The following FAT3 variants were observed in gnomAD, a reference collection of about 807,000 sequenced individuals.
FAT3 encodes protocadherin Fat 3.
Under a neutral mutation model 310.2 loss-of-function variants are expected in FAT3, and 95 were observed. The observed-to-expected ratio is 0.31, with a 90% CI of 0.26 to 0.36. The LOEUF (loss-of-function observed/expected upper bound fraction) is 0.36. FAT3 is among the 10% of genes least tolerant of loss of function. The probability of loss-of-function intolerance (pLI) is 1.00; values close to 1 mark genes in which losing one functional copy is unlikely to be tolerated. For synonymous variants in FAT3, 2,314 were observed against 2,192.9 expected (o/e 1.06, Z -1.54); for missense variants, 5,408 against 5,715.6 (o/e 0.95, Z 1.74).
At chr11:92,563,414 G>C (rs562724463) in intron 3 of FAT3, among the ~76,000 whole-genome samples, 88 of 152,242 alleles carry the variant, frequency 5.8e-4, no homozygotes, top group Non-Finnish European at 1.1e-3. Flanking sequence ...TTTTGTGATT[G>C]ACTGAAACAT....
chr11:92,866,821 C>T lies in FAT3; in HGVS notation c.11739C>T (p.Asn3913=), dbSNP rs76965380. 3.5e-3 allele frequency: 5,599 copies of T among 1,613,888 alleles called. 41 individuals carry two copies. Among genetic ancestry groups the T allele is most frequent in the South Asian group, 6.5e-3 (592 of 91,064 alleles). ...GILGISGRAV[N]DGSWHSVFLE... Reference sequence around the variant, plus strand: ...TGGGCATCTCGGGCCGTGCTGTCAACGACGGGAGCTGGCACTCGGTCTTCC... The same window carrying T: ...TGGGCATCTCGGGCCGTGCTGTCAATGACGGGAGCTGGCACTCGGTCTTCC... The change falls in exon 22 of 28, where the codon AAC becomes AAT. Residue 3913 remains asparagine (N), a synonymous_variant. Coordinates refer to ENST00000525166, the MANE Select transcript of FAT3 (RefSeq NM_001367949.2).
chr11:92,406,458 T>A (rs538276168), intron 2 of FAT3: 1 of 152,326 alleles, frequency 6.6e-6, no homozygotes, highest in Non-Finnish European at 1.5e-5. Flanking sequence ...TTTTAGCACA[T>A]AAAGAGTCCT....
intron 1 of FAT3, among the ~76,000 whole-genome samples, chr11:92,349,666 GC>G (rs1367221919): frequency 3.3e-5 from 5 of 152,194 alleles, no homozygotes; most frequent in African/African-American, 1.2e-4. Flanking sequence ...CTTGGTCCCT[GC>G]CCTAGTTACC....
At chr11:92,376,702 C>CT (rs1949356378) in intron 2 of FAT3, among the ~76,000 whole-genome samples, 1 of 151,820 alleles carries the variant, frequency 6.6e-6, no homozygotes, top group African/African-American at 2.4e-5. Context: ...TCCCAGAATC[C>CT]CTCACTTTGG....
Position 92,799,238 on chromosome 11 carries a change from A to G in FAT3, c.6225A>G (p.Glu2075=). The G allele has an allele frequency of 6.2e-7, 1 of 1,613,950 alleles. No individual in the cohort carries two copies. The highest frequency in any genetic ancestry group is 8.5e-7 in the Non-Finnish European group (1 of 1,179,874). ...GAGTGGTGGTCAGGGTTAACATTGA[A>G]GACATAAATGACAATTCTCCAGTCT... ...VARVVVRVNI[E]DINDNSPVFV... The change falls in exon 10 of 28, where the codon GAA becomes GAG. Residue 2075 remains glutamate (E), a synonymous_variant. Transcript: ENST00000525166.
intron 2 of FAT3, among the ~76,000 whole-genome samples, chr11:92,402,444 C>G (rs1034392553): frequency 1.3e-5 from 2 of 151,920 alleles, no homozygotes; most frequent in Admixed American, 6.6e-5. Flanking sequence ...CTCAAGAATT[C>G]TCGGTCTGGG....
intron 13 of FAT3, among the ~76,000 whole-genome samples, chr11:92,826,318 C>G (rs1264747942): frequency 3.9e-5 from 6 of 152,212 alleles, no homozygotes; most frequent in Non-Finnish European, 5.9e-5. Context: ...GAGTTAATCA[C>G]CAAGCCTGGG....
At chr11:92,632,781 G>T (rs1283045582) in intron 3 of FAT3, among the ~76,000 whole-genome samples, 4 of 152,148 alleles carry the variant, frequency 2.6e-5, no homozygotes, top group African/African-American at 9.7e-5. Flanking sequence ...TAGTAAATTT[G>T]CTTGTCCAGA....
chr11:92,886,449 A>T (rs957130270), intron 24 of FAT3, among the ~76,000 whole-genome samples: 4 of 152,120 alleles, frequency 2.6e-5, no homozygotes, highest in Non-Finnish European at 5.9e-5. Flanking sequence ...CAGCCCTCCT[A>T]CCTGACACAG....
At chr11:92,306,809 T>C (rs1294294677) in intron 1 of FAT3, among the ~76,000 whole-genome samples, 1 of 140,902 alleles carries the variant, frequency 7.1e-6, no homozygotes, top group African/African-American at 2.6e-5. Flanking sequence ...AAATTTGAGA[T>C]GAGTCTTGCT....
chr11:92,423,150 C>G (rs938376026), intron 2 of FAT3, among the ~76,000 whole-genome samples: 9 of 152,174 alleles, frequency 5.9e-5, no homozygotes, highest in African/African-American at 2.2e-4. Context: ...CTCTTCCTCT[C>G]TTCCTGTCTT....
chr11:92,888,905 G>A (rs1949853185), intron 25 of FAT3, among the ~76,000 whole-genome samples: 1 of 152,186 alleles, frequency 6.6e-6, no homozygotes, highest in Non-Finnish European at 1.5e-5. Context: ...GCTGAGTCAT[G>A]AGGGGTGACT....
intron 3 of FAT3, among the ~76,000 whole-genome samples, chr11:92,545,082 C>T (rs1315099352): frequency 6.6e-6 from 1 of 152,102 alleles, no homozygotes; most frequent in Non-Finnish European, 1.5e-5. Flanking sequence ...CCTCTTTGCC[C>T]TCCTCATGTC....
chr11:92,879,271 A>G (rs1949616898), intron 22 of FAT3, among the ~76,000 whole-genome samples: 1 of 152,198 alleles, frequency 6.6e-6, no homozygotes, highest in South Asian at 2.1e-4. Context: ...TAGTGAAATG[A>G]GAGAGTAAAC....
At chr11:92,775,179 G>A (rs1260921800) in intron 7 of FAT3, among the ~76,000 whole-genome samples, 1 of 152,154 alleles carries the variant, frequency 6.6e-6, no homozygotes, top group East Asian at 1.9e-4. Flanking sequence ...TGAACACAGT[G>A]CTTCAGGTGG....
intron 4 of FAT3, among the ~76,000 whole-genome samples, chr11:92,705,551 G>A (rs1284419721): frequency 6.9e-6 from 1 of 145,220 alleles, no homozygotes; most frequent in Non-Finnish European, 1.5e-5. Context: ...GTGTGATGGT[G>A]GTGGTGTGAT....
intron 22 of FAT3, among the ~76,000 whole-genome samples, chr11:92,879,945 A>G (rs967137365): frequency 6.6e-6 from 1 of 152,166 alleles, no homozygotes; most frequent in African/African-American, 2.4e-5. Flanking sequence ...ATTTAAAAAA[A>G]CAAATCTTAC....
chr11:92,809,961 G>C lies in FAT3; in HGVS notation c.9366G>C (p.Glu3122Asp), dbSNP rs753065708. The change falls in exon 13 of 28, where the codon GAG (glutamate) becomes GAC (aspartate). Residue 3122 changes from glutamate to aspartate, a missense_variant. Around this residue, in one of 5 missense-constraint regions of FAT3, gnomAD observed 4,588 missense variants for 4,809.8 expected, o/e 0.95. Transcript: ENST00000525166. ...AGTCCAACATCCACCTAATCCTGGA[G>C]GATGTGAATGATAACCCCCCTGTGT... is the stretch of plus-strand genomic sequence containing the variant. ...FCQSNIHLILEDVNDNPPVFS... is the reference protein window; with the variant it reads ...FCQSNIHLILDDVNDNPPVFS... The C allele has an allele frequency of 5.0e-6, 8 of 1,613,812 alleles. No homozygotes were observed. The highest frequency in any genetic ancestry group is 6.8e-6 in the Non-Finnish European group (8 of 1,179,842).
chr11:92,594,087 G>A (rs1375962690), intron 3 of FAT3, among the ~76,000 whole-genome samples: 1 of 152,086 alleles, frequency 6.6e-6, no homozygotes, highest in Non-Finnish European at 1.5e-5. Context: ...AGGACTTAAG[G>A]GGCTGCAGGT....
Sources: allele counts gnomAD v4.1 joint callset (sites outside exome capture counted in the v4.1 genomes callset), GRCh38; gene constraint gnomAD v4.1.1; regional missense constraint gnomAD v4.1.1; transcripts MANE v1.5; gene names NCBI Gene and HGNC (gene_info 2026-07-23, HGNC 2026-07-21).